The following CAMKK2 variants were observed in gnomAD, a reference collection of about 807,000 sequenced individuals.
CAMKK2 encodes calcium/calmodulin-dependent protein kinase kinase 2.
A neutral mutation model predicts 67.2 loss-of-function variants in CAMKK2; 30 were observed. That is an observed-to-expected ratio of 0.45 (90% CI 0.33 to 0.61). CAMKK2 has a LOEUF of 0.61. CAMKK2 is among the 20% of genes least tolerant of loss of function. The pLI, the probability that CAMKK2 is intolerant of heterozygous loss-of-function variation, is 0.02. For missense variants in CAMKK2, 643 were observed against 802.0 expected, an observed-to-expected ratio of 0.80 and a Z score of 2.39; for synonymous variants, 322 against 326.2, an observed-to-expected ratio of 0.99 and a Z score of 0.14.
chr12:121,264,985 A>AAAAC (rs1222445356), intron 5 of CAMKK2, among the ~76,000 whole-genome samples: 1 of 151,744 alleles, frequency 6.6e-6, no homozygotes, highest in Non-Finnish European at 1.5e-5. Context: ...AAAAACAAAA[A>AAAAC]AAACAAAAAC....
At chr12:121,244,379 G>T (rs552250474) in intron 16 of CAMKK2, among the ~76,000 whole-genome samples, 194 bp downstream of exon 16, 1 of 152,222 alleles carries the variant, frequency 6.6e-6, no homozygotes, top group Non-Finnish European at 1.5e-5. Context: ...CCACATGCAT[G>T]ACCCACCATT....
Position 121,248,591 on chromosome 12 carries a change from G to C in CAMKK2, c.1452+15C>G. 6.2e-7 allele frequency: 1 copy of C among 1,614,110 alleles called. No homozygotes were observed. On this transcript the variant is annotated intron_variant, in intron 14 of 16. Transcript: ENST00000404169. ...CCTGGGTCCCTGCTCTGGGTCAGGG[G>C]TCCATCCACCTTACCACGGTTGCCA... is the stretch of plus-strand genomic sequence containing the variant.
chr12:121,247,239 C>T (rs1440097142), intron 14 of CAMKK2, among the ~76,000 whole-genome samples: 1 of 152,160 alleles, frequency 6.6e-6, no homozygotes, highest in Non-Finnish European at 1.5e-5. Context: ...GGTCCCTCTA[C>T]TGCACTGTAC....
At chr12:121,279,085 G>A (rs553149708) in intron 1 of CAMKK2, among the ~76,000 whole-genome samples, 1 of 152,218 alleles carries the variant, frequency 6.6e-6, no homozygotes, top group Non-Finnish European at 1.5e-5. Context: ...ATTGCTTATC[G>A]AACTCTACAC....
intron 1 of CAMKK2, among the ~76,000 whole-genome samples, chr12:121,294,528 A>G (rs1418319439): frequency 2.0e-5 from 3 of 152,248 alleles, no homozygotes; most frequent in Non-Finnish European, 4.4e-5. Context: ...TAGTGAATAA[A>G]CAAAACAAAA....
chr12:121,247,854 C>T (rs369839525), intron 14 of CAMKK2, among the ~76,000 whole-genome samples: 1 of 152,162 alleles, frequency 6.6e-6, no homozygotes, highest in Non-Finnish European at 1.5e-5. Flanking sequence ...AGGGGCCCGC[C>T]GGCCCACTGG....
chr12:121,241,080 A>C (rs1038660635), intron 16 of CAMKK2, among the ~76,000 whole-genome samples: 3 of 152,128 alleles, frequency 2.0e-5, no homozygotes, highest in South Asian at 4.1e-4. Context: ...CCCCTCTGTA[A>C]ATGAAAGACC....
At chr12:121,290,907 C>T (rs544563899) in intron 1 of CAMKK2, among the ~76,000 whole-genome samples, 1 of 152,184 alleles carries the variant, frequency 6.6e-6, no homozygotes, top group Non-Finnish European at 1.5e-5. Context: ...GCAGCCTCTG[C>T]CTCCCGGGTT....
Position 121,240,494 on chromosome 12 carries a change from C to T in CAMKK2, c.*205G>A. On this transcript the variant is annotated 3_prime_UTR_variant, in exon 17 of 17. Coordinates refer to ENST00000404169, the MANE Select transcript of CAMKK2 (RefSeq NM_001270485.2). This position sits in a 1 kb window ranked among gnomAD's most constrained non-coding sequence, Gnocchi z 4.4. ...CACACCCGCCTGTCCAGCCAGCCAG[C>T]GGCCACGGTCGACGTCATGGAGTCA... 1.3e-6 allele frequency: 2 copies of T among 1,535,556 alleles called. No individual in the cohort carries two copies. Among genetic ancestry groups the T allele is most frequent in the Non-Finnish European group, 1.7e-6 (2 of 1,146,848 alleles).
intron 1 of CAMKK2, among the ~76,000 whole-genome samples, chr12:121,286,660 C>T (rs970733370): frequency 6.6e-6 from 1 of 151,706 alleles, no homozygotes; most frequent in African/African-American, 2.4e-5. Flanking sequence ...CCTCCCACCT[C>T]AGCCCCCCAA....
intron 13 of CAMKK2, 65 bp downstream of exon 13, chr12:121,249,722 G>T: frequency 7.6e-7 from 1 of 1,310,922 alleles, no homozygotes; most frequent in Non-Finnish European, 1.1e-6. Context: ...AGGGTGTGGG[G>T]TCTGGCTGAG....
At chr12:121,256,830 T>C (rs1892385197) in intron 7 of CAMKK2, among the ~76,000 whole-genome samples, 1 of 152,222 alleles carries the variant, frequency 6.6e-6, no homozygotes, top group African/African-American at 2.4e-5. Context: ...GGACTGTTTC[T>C]ACTCTTTGGC....
chr12:121,292,029 C>T (rs1900124804), intron 1 of CAMKK2, among the ~76,000 whole-genome samples: 1 of 151,686 alleles, frequency 6.6e-6, no homozygotes, highest in African/African-American at 2.4e-5. Context: ...GCACTCCAGC[C>T]TGGCGACAGA....
At chr12:121,271,058 T>G (rs1895661170) in intron 2 of CAMKK2, 113 bp from the exon 3 acceptor site, 1 of 789,100 alleles carries the variant, frequency 1.3e-6, no homozygotes, top group African/African-American at 1.7e-5. Flanking sequence ...GAGGATCACT[T>G]GAGTTCAGGA....
chr12:121,251,331 G>GT (rs1890666706), intron 11 of CAMKK2, among the ~76,000 whole-genome samples: 1 of 152,182 alleles, frequency 6.6e-6, no homozygotes, highest in Non-Finnish European at 1.5e-5. Flanking sequence ...GGGTATGTGG[G>GT]TGTTCACTGG....
intron 6 of CAMKK2, among the ~76,000 whole-genome samples, chr12:121,261,350 G>A (rs1893408697): frequency 6.6e-6 from 1 of 152,162 alleles, no homozygotes; most frequent in South Asian, 2.1e-4. Context: ...GGGCTTCCTG[G>A]AAAATGGCCA....
chr12:121,241,761 G>A (rs2136124615), intron 16 of CAMKK2, among the ~76,000 whole-genome samples: 1 of 152,388 alleles, frequency 6.6e-6, no homozygotes, highest in Non-Finnish European at 1.5e-5. Context: ...ATGTGGGTAA[G>A]GTCCCTGGGG....
chr12:121,246,347 A>G (rs1461844076), intron 14 of CAMKK2, among the ~76,000 whole-genome samples: 1 of 151,602 alleles, frequency 6.6e-6, no homozygotes, highest in Non-Finnish European at 1.5e-5. Flanking sequence ...GGAGTTTGAG[A>G]CCAGCCTGGC....
At chr12:121,272,867 T>C (rs978918092) in intron 2 of CAMKK2, among the ~76,000 whole-genome samples, 2 of 152,096 alleles carry the variant, frequency 1.3e-5, no homozygotes, top group Admixed American at 1.3e-4. Context: ...AGCAACCCTC[T>C]GTCTCAACAA....
Sources: gnomAD v4.1 joint callset for allele counts (sites outside exome capture counted in the v4.1 genomes callset) on GRCh38, gnomAD v4.1.1 for gene constraint, Gnocchi (gnomAD v3.1) non-coding constraint, MANE v1.5 for transcripts, NCBI Gene and HGNC (gene_info 2026-07-23, HGNC 2026-07-21) for gene names.